Variants in CALN1 observed in about 807,000 individuals in gnomAD.
CALN1 encodes calneuron 1.
A neutral mutation model predicts 30.6 loss-of-function variants in CALN1; 17 were observed. The ratio of observed to expected loss-of-function variants is 0.56; its 90% CI spans 0.38 to 0.83. The LOEUF (loss-of-function observed/expected upper bound fraction) is 0.83, where lower values mean the gene tolerates loss of function less well. Ranked by LOEUF, CALN1 falls within the 40% of genes least tolerant of loss-of-function variation. CALN1 has a pLI of 0.00. For missense variants in CALN1, 291 were observed against 354.9 expected, an observed-to-expected ratio of 0.82 and a Z score of 1.45; for synonymous variants, 156 against 131.4, an observed-to-expected ratio of 1.19 and a Z score of -1.28.
intron 4 of CALN1, among the ~76,000 whole-genome samples, chr7:72,049,773 G>A (rs957441878): frequency 1.3e-5 from 2 of 150,720 alleles, no homozygotes; most frequent in Non-Finnish European, 2.9e-5. Flanking sequence ...CTGCCAAAGT[G>A]CTGGGATTAC....
chr7:72,222,589 G>A (rs1048842781), intron 3 of CALN1, among the ~76,000 whole-genome samples: 1 of 152,136 alleles, frequency 6.6e-6, no homozygotes, highest in Non-Finnish European at 1.5e-5. Context: ...AATTGAACAT[G>A]AGATTTGGGT....
intron 2 of CALN1, among the ~76,000 whole-genome samples, chr7:72,325,543 G>A (rs1387312525): frequency 6.6e-6 from 1 of 152,184 alleles, no homozygotes; most frequent in Non-Finnish European, 1.5e-5. Flanking sequence ...AGAGGTTACA[G>A]TGAGCCAAGA....
chr7:72,241,821 T>C (rs759796584), intron 3 of CALN1, among the ~76,000 whole-genome samples: 1 of 152,140 alleles, frequency 6.6e-6, no homozygotes, highest in South Asian at 2.1e-4. Context: ...AAGCAGCCCA[T>C]GCCATCTAAA....
intron 3 of CALN1, among the ~76,000 whole-genome samples, chr7:72,193,913 G>A (rs1279249445): frequency 1.3e-5 from 2 of 152,000 alleles, no homozygotes; most frequent in African/African-American, 4.8e-5. Context: ...AAGCTATGAG[G>A]ATGCAAAGGC....
At chr7:72,434,410 T>C (rs1351567774) in intron 1 of CALN1, among the ~76,000 whole-genome samples, 1 of 149,690 alleles carries the variant, frequency 6.7e-6, no homozygotes, top group Non-Finnish European at 1.5e-5. Flanking sequence ...TAATCACAGC[T>C]ATTCGGGAGG....
At chr7:72,459,563 C>T in the CALN1 span, among the ~76,000 whole-genome samples, 4 of 148,220 alleles carry the variant, frequency 2.7e-5, no homozygotes, top group African/African-American at 1.0e-4. Flanking sequence ...GAAGTGGAGG[C>T]TGCAGTGAGC....
At chr7:72,441,812 C>A (rs180843537) in intron 1 of CALN1, among the ~76,000 whole-genome samples, 15 of 152,118 alleles carry the variant, frequency 9.9e-5, no homozygotes, top group African/African-American at 3.6e-4. Context: ...TCTCTTCCAT[C>A]TCCTGATGAT....
At chr7:72,500,196 G>T in the CALN1 span, among the ~76,000 whole-genome samples, 1 of 147,808 alleles carries the variant, frequency 6.8e-6, no homozygotes, top group East Asian at 2.0e-4. Flanking sequence ...ACAGATGTGA[G>T]CCACCTCGCC....
intron 6 of CALN1, among the ~76,000 whole-genome samples, chr7:71,803,598 C>T (rs1787430429): frequency 6.6e-6 from 1 of 152,170 alleles, no homozygotes; most frequent in African/African-American, 2.4e-5. Flanking sequence ...CCTCAGCCTC[C>T]TGAGTAGCTG....
At chr7:71,909,151 G>C (rs1794296206) in intron 5 of CALN1, among the ~76,000 whole-genome samples, 1 of 152,002 alleles carries the variant, frequency 6.6e-6, no homozygotes, top group African/African-American at 2.4e-5. Flanking sequence ...TGAGTAGCTG[G>C]GACAATAGGC....
In CALN1 at chr7:72,049,809, A is replaced by ATTTTTTTTTTTTT. The variant is rs36079674; in HGVS notation, c.389-26041_389-26040insAAAAAAAAAAAAA. ...AGGTGTGAGCACCCGGGCCAAGTCTATTTCTTTTTTTTTTTTTTGAGATGC... is the reference window on the plus strand; with the variant it reads ...AGGTGTGAGCACCCGGGCCAAGTCTATTTTTTTTTTTTTTTTCTTTTTTTTTTTTTTGAGATGC... On this transcript the variant is annotated intron_variant, in intron 4 of 6. Coordinates refer to ENST00000395275, the MANE Select transcript of CALN1 (RefSeq NM_031468.4). 2.2e-5 allele frequency among the ~76,000 whole-genome samples: 2 copies of ATTTTTTTTTTTTT among 90,554 alleles called. 1 individual carries two copies. The allele number at this position is 90,554 out of a possible 152,430, so 59.4% of individuals were successfully genotyped here.
intron 5 of CALN1, among the ~76,000 whole-genome samples, chr7:71,820,829 A>G (rs1299736190): frequency 6.6e-6 from 1 of 152,202 alleles, no homozygotes; most frequent in African/African-American, 2.4e-5. Context: ...CCCAACAACC[A>G]GAGAGGAGGC....
chr7:72,163,274 T>G (rs1788250548), intron 3 of CALN1, among the ~76,000 whole-genome samples: 1 of 151,586 alleles, frequency 6.6e-6, no homozygotes, highest in South Asian at 2.1e-4. Context: ...AGTCAAGGTG[T>G]TTGGACAATA....
At chr7:71,914,119 G>A (rs1794568036) in intron 5 of CALN1, among the ~76,000 whole-genome samples, 1 of 152,146 alleles carries the variant, frequency 6.6e-6, no homozygotes, top group Admixed American at 6.6e-5. Context: ...CTTGTGTCAT[G>A]GGGGTCTGTT....
intron 5 of CALN1, among the ~76,000 whole-genome samples, chr7:71,930,886 A>G (rs1795515445): frequency 6.6e-6 from 1 of 152,210 alleles, no homozygotes; most frequent in African/African-American, 2.4e-5. Flanking sequence ...AACCCATGCC[A>G]AAGTCTTCTC....
At chr7:72,076,925 T>C (rs1256516900) in intron 4 of CALN1, among the ~76,000 whole-genome samples, 1 of 152,214 alleles carries the variant, frequency 6.6e-6, no homozygotes, top group Non-Finnish European at 1.5e-5. Flanking sequence ...TTTTGTTTTT[T>C]ATTTTTTATT....
At chr7:72,097,725 A>AT (rs1448769078) in intron 4 of CALN1, among the ~76,000 whole-genome samples, 7 of 150,576 alleles carry the variant, frequency 4.6e-5, no homozygotes, top group Admixed American at 4.6e-4. Flanking sequence ...TTATATATAT[A>AT]TTTTTTGAGA....
intron 3 of CALN1, among the ~76,000 whole-genome samples, chr7:72,122,038 G>C (rs566155663): frequency 6.6e-6 from 1 of 151,720 alleles, no homozygotes; most frequent in Non-Finnish European, 1.5e-5. Context: ...ATAGTCATTC[G>C]TCACACAGCC....
chr7:72,501,754 T>C, the CALN1 span, among the ~76,000 whole-genome samples: 3 of 149,720 alleles, frequency 2.0e-5, no homozygotes, highest in African/African-American at 7.4e-5. Context: ...ACTAAAAATA[T>C]AAAAATTAGC....
Sources: gnomAD v4.1 joint callset for allele counts (sites outside exome capture counted in the v4.1 genomes callset) on GRCh38, gnomAD v4.1.1 for gene constraint, MANE v1.5 for transcripts, NCBI Gene and HGNC (gene_info 2026-07-23, HGNC 2026-07-21) for gene names.